Variants in LEMD1 observed in about 807,000 individuals in gnomAD.
LEMD1 encodes the protein LEM domain-containing protein 1.
A neutral mutation model predicts 17.4 loss-of-function variants in LEMD1; 18 were observed. The observed-to-expected ratio is 1.04, with a 90% CI of 0.72 to 1.54. LEMD1 has a LOEUF of 1.54. LEMD1 is among the 40% of genes most tolerant of loss of function. The probability of loss-of-function intolerance (pLI) is 0.00; values close to 1 mark genes in which losing one functional copy is unlikely to be tolerated. For missense variants in LEMD1, 195 were observed against 210.4 expected, an observed-to-expected ratio of 0.93 and a Z score of 0.45; for synonymous variants, 88 against 77.8, an observed-to-expected ratio of 1.13 and a Z score of -0.69.
chr1:205,424,969 G>A (rs1159141712), upstream of LEMD1, among the ~76,000 whole-genome samples: 5 of 152,204 alleles, frequency 3.3e-5, no homozygotes, highest in Non-Finnish European at 7.3e-5. Context: ...TCCATTTGGG[G>A]GAGGACTAGA....
rs1363007071 is a variant in LEMD1 at position 205,381,384 on chromosome 1, TG to T, written c.*273del. ...AAAGAAAAACGCCAGACAGTTTCCT[TG>T]TTTGACGCCTGCTCAAATATGGAAG... On this transcript the variant is annotated 3_prime_UTR_variant, in exon 6 of 6. Transcript: ENST00000367153. 1.1e-5 allele frequency: 5 copies of T among 457,892 alleles called. No homozygotes were observed. In the East Asian group the frequency reaches 2.0e-4, roughly 18 times the overall value. 28.4% of individuals were successfully genotyped at this position (457,892 alleles called of 1,614,324 possible).
chr1:205,400,583 C>T (rs997231955), intron 4 of LEMD1, among the ~76,000 whole-genome samples: 1 of 152,324 alleles, frequency 6.6e-6, no homozygotes, highest in African/African-American at 2.4e-5. Context: ...AAGAAATATA[C>T]ACTTGGTCTT....
At chr1:205,425,155 T>G (rs2102449307), upstream of LEMD1, among the ~76,000 whole-genome samples, 1 of 152,336 alleles carries the variant, frequency 6.6e-6, no homozygotes, top group Middle Eastern at 3.4e-3. Context: ...TACACAGCAC[T>G]GACACTTTAA....
At chr1:205,434,979 T>C (rs1289621342) in intron 1 of LEMD1, 2 of 152,174 alleles carry the variant, frequency 1.3e-5, no homozygotes, top group African/African-American at 4.8e-5. Flanking sequence ...TCCAGGTGCA[T>C]AGATTCGGGA....
At chr1:205,405,871 A>T (rs1458582080) in intron 4 of LEMD1, among the ~76,000 whole-genome samples, 3 of 151,600 alleles carry the variant, frequency 2.0e-5, no homozygotes, top group African/African-American at 7.3e-5. Context: ...TGATGTACAG[A>T]TGGGTTTTTG....
At chr1:205,414,647 C>T (rs1051636661) in intron 4 of LEMD1, among the ~76,000 whole-genome samples, 9 of 152,084 alleles carry the variant, frequency 5.9e-5, no homozygotes, top group Non-Finnish European at 1.3e-4. Flanking sequence ...GAGTCTTGAA[C>T]TCTTGAGCTC....
At chr1:205,425,569 CA>C (rs1391358730), upstream of LEMD1, among the ~76,000 whole-genome samples, 2 of 152,114 alleles carry the variant, frequency 1.3e-5, no homozygotes, top group African/African-American at 2.4e-5. Flanking sequence ...TACTACGTAC[CA>C]GGCACCCTGC....
intron 4 of LEMD1, among the ~76,000 whole-genome samples, chr1:205,399,001 G>A (rs1664713647): frequency 6.6e-6 from 1 of 152,150 alleles, no homozygotes. Context: ...GATCACCTGA[G>A]GTCAGGAGTT....
chr1:205,391,044 G>A (rs1379185335), intron 4 of LEMD1, among the ~76,000 whole-genome samples: 1 of 151,928 alleles, frequency 6.6e-6, no homozygotes, highest in Non-Finnish European at 1.5e-5. Context: ...TAACAAACCT[G>A]CGCAAGTACC....
chr1:205,406,495 T>C (rs1665114950), intron 4 of LEMD1, among the ~76,000 whole-genome samples: 1 of 152,234 alleles, frequency 6.6e-6, no homozygotes, highest in South Asian at 2.1e-4. Context: ...TCTGTGGGCG[T>C]AGGACCCTCA....
chr1:205,397,138 G>A (rs954784903), intron 4 of LEMD1, among the ~76,000 whole-genome samples: 12 of 152,192 alleles, frequency 7.9e-5, no homozygotes, highest in African/African-American at 2.7e-4. Flanking sequence ...TCAGAAAGAC[G>A]AGCCTTTGCT....
chr1:205,448,310 C>G lies in LEMD1; in HGVS notation c.-39+1558G>C, dbSNP rs573530355. The G allele has an allele frequency of 6.4e-5, 34 of 531,202 alleles. 1 individual carries two copies. Among genetic ancestry groups the G allele is most frequent in the South Asian group, 4.8e-4 (34 of 71,506 alleles). The allele number at this position is 531,202 out of a possible 1,614,324, so 32.9% of individuals were successfully genotyped here. A position where few individuals can be genotyped will look rare whatever the true frequency, so the allele number is the denominator to read the frequency against. ...GCAGCTGCGCAGGAGAAGGAGCTCG[C>G]CCCTCACTGTAGCCCATGGCTTTTA... On this transcript the variant is annotated intron_variant, in intron 1 of 3. Coordinates refer to the LEMD1 transcript ENST00000367154. The surrounding 1 kb of genome is among the most constrained non-coding windows in gnomAD (Gnocchi z 4.7).
chr1:205,419,268 CTG>C lies in LEMD1; in HGVS notation c.165_166del (p.Glu57AlafsTer8). On this transcript the variant is annotated frameshift_variant, in exon 3 of 6. Transcript: ENST00000367153. LOFTEE classifies it high-confidence loss of function. ...ACTGTCCTGCGCTCCATCCAGCTCT[CTG>C]GGTCCATTCATCACAGGTGGTGCAC... The C allele has an allele frequency of 1.2e-6, 2 of 1,614,232 alleles. No homozygotes were observed. Among genetic ancestry groups the C allele is most frequent in the East Asian group, 4.5e-5 (2 of 44,882 alleles).
At chr1:205,444,163 G>A (rs1329816502) in intron 1 of LEMD1, among the ~76,000 whole-genome samples, 1 of 151,930 alleles carries the variant, frequency 6.6e-6, no homozygotes, top group Admixed American at 6.6e-5. Flanking sequence ...TAGTCCAGGA[G>A]GGACTAAGGA....
intron 4 of LEMD1, chr1:205,386,774 A>T (rs919622977): frequency 7.9e-5 from 12 of 152,242 alleles, no homozygotes; most frequent in African/African-American, 2.9e-4. Flanking sequence ...CCTTCCAGGA[A>T]CAGGGAAGCA....
chr1:205,428,707 AT>A (rs1248863880), intron 1 of LEMD1, among the ~76,000 whole-genome samples: 4 of 152,194 alleles, frequency 2.6e-5, no homozygotes, highest in Non-Finnish European at 5.9e-5. Context: ...CTGGCAAAGC[AT>A]GAGAGAGAGG....
chr1:205,439,532 G>A (rs989009778), intron 1 of LEMD1, among the ~76,000 whole-genome samples: 2 of 152,340 alleles, frequency 1.3e-5, no homozygotes. Context: ...CGAACCAGCC[G>A]AGGAAGACTT....
chr1:205,421,329 A>G (rs2102444125), intron 1 of LEMD1, among the ~76,000 whole-genome samples: 1 of 152,288 alleles, frequency 6.6e-6, no homozygotes, highest in Non-Finnish European at 1.5e-5. Flanking sequence ...AGACAGACCC[A>G]TTTGTCAAAC....
At chr1:205,449,570 AACAGCACAGCACAGCACAGCACACAGCAC>A (rs1666459080) in intron 1 of LEMD1, among the ~76,000 whole-genome samples, 1 of 152,096 alleles carries the variant, frequency 6.6e-6, no homozygotes, top group Non-Finnish European at 1.5e-5. Context: ...ATTCCCCAAC[AACAGCACAGCACAGCACAGCACACAGCAC>A]ACAGCACAGC....
Sources: allele counts gnomAD v4.1 joint callset (sites outside exome capture counted in the v4.1 genomes callset), GRCh38; gene constraint gnomAD v4.1.1; non-coding constraint Gnocchi (gnomAD v3.1); transcripts MANE v1.5; gene names NCBI Gene and HGNC (gene_info 2026-07-23, HGNC 2026-07-21).